The following LCLAT1 variants were observed in gnomAD, a reference collection of about 807,000 sequenced individuals.
LCLAT1 encodes 1-AGP acyltransferase 8.
In LCLAT1, 11 loss-of-function variants were observed where a neutral mutation model predicts 30.7. The ratio of observed to expected loss-of-function variants is 0.36; its 90% CI spans 0.23 to 0.59. The LOEUF is 0.59. Ranked by LOEUF, LCLAT1 falls within the 20% of genes least tolerant of loss-of-function variation. LCLAT1 has a pLI of 0.77. For synonymous variants in LCLAT1, 155 were observed against 151.3 expected (o/e 1.02, Z -0.18); for missense variants, 402 against 458.6 (o/e 0.88, Z 1.13).
chr2:30,464,086 T>C (rs1021901978), intron 1 of LCLAT1, among the ~76,000 whole-genome samples: 3 of 152,244 alleles, frequency 2.0e-5, no homozygotes, highest in Non-Finnish European at 4.4e-5. Context: ...AGCAATTGTA[T>C]GTTTGAGGCC....
intron 3 of LCLAT1, among the ~76,000 whole-genome samples, chr2:30,560,764 G>A (rs1665179054): frequency 6.6e-6 from 1 of 152,226 alleles, no homozygotes; most frequent in South Asian, 2.1e-4. Context: ...GGAACTGCCA[G>A]CTGAAATAAT....
chr2:30,586,559 G>C (rs1180944653), intron 5 of LCLAT1, among the ~76,000 whole-genome samples: 1 of 152,122 alleles, frequency 6.6e-6, no homozygotes, highest in African/African-American at 2.4e-5. Flanking sequence ...TTAGAAATAG[G>C]TTCTTTGCAG....
chr2:30,484,797 A>G (rs892323164), intron 1 of LCLAT1, among the ~76,000 whole-genome samples: 2 of 152,136 alleles, frequency 1.3e-5, no homozygotes, highest in Non-Finnish European at 2.9e-5. Context: ...ATTTTAAAAT[A>G]AGTTGAACTA....
intron 5 of LCLAT1, among the ~76,000 whole-genome samples, chr2:30,604,112 T>C (rs970335006): frequency 7.7e-6 from 1 of 129,470 alleles, no homozygotes; most frequent in Non-Finnish European, 1.7e-5. Flanking sequence ...CCCAAGTGCC[T>C]TTAGATTAGG....
chr2:30,580,321 A>G (rs556651516), intron 5 of LCLAT1, among the ~76,000 whole-genome samples: 48 of 152,326 alleles, frequency 3.2e-4, no homozygotes, highest in African/African-American at 1.1e-3. Flanking sequence ...CCACAGGCTG[A>G]AATGGATATA....
At chr2:30,585,266 G>T (rs184090193) in intron 5 of LCLAT1, among the ~76,000 whole-genome samples, 1 of 149,724 alleles carries the variant, frequency 6.7e-6, no homozygotes, top group African/African-American at 2.5e-5. Flanking sequence ...ATCCATCCTC[G>T]GTAAAAAAAA....
At chr2:30,553,771 C>T (rs961841132) in intron 3 of LCLAT1, among the ~76,000 whole-genome samples, 4 of 151,868 alleles carry the variant, frequency 2.6e-5, no homozygotes, top group Admixed American at 6.6e-5. Context: ...GCCGAGATTG[C>T]GCCACTGCAG....
chr2:30,606,813 G>A (rs1461908121), intron 5 of LCLAT1: 1 of 152,132 alleles, frequency 6.6e-6, no homozygotes, highest in African/African-American at 2.4e-5. Flanking sequence ...TCTACAGAAA[G>A]GGAGAAAATT....
intron 5 of LCLAT1, among the ~76,000 whole-genome samples, chr2:30,625,821 T>TA (rs1191395565): frequency 1.3e-5 from 2 of 152,230 alleles, no homozygotes; most frequent in Non-Finnish European, 2.9e-5. Flanking sequence ...GGAAAGGCTT[T>TA]AGAGTCATAC....
intron 1 of LCLAT1, among the ~76,000 whole-genome samples, chr2:30,454,933 T>C (rs1245189583): frequency 6.6e-6 from 1 of 152,184 alleles, no homozygotes; most frequent in East Asian, 1.9e-4. Context: ...ATGGTAGTAA[T>C]GAAACCTATA....
At chr2:30,524,126 A>G (rs997271434) in intron 1 of LCLAT1, among the ~76,000 whole-genome samples, 1 of 152,150 alleles carries the variant, frequency 6.6e-6, no homozygotes, top group African/African-American at 2.4e-5. Flanking sequence ...GGCAAAACAC[A>G]GTTTTTCTCT....
chr2:30,485,149 G>A (rs1312082052), intron 1 of LCLAT1, among the ~76,000 whole-genome samples: 1 of 152,142 alleles, frequency 6.6e-6, no homozygotes, highest in East Asian at 1.9e-4. Flanking sequence ...TGTGATAAGA[G>A]ATATATACTA....
At chr2:30,511,042 GTTTAA>G (rs1437500649) in intron 1 of LCLAT1, among the ~76,000 whole-genome samples, 1 of 151,058 alleles carries the variant, frequency 6.6e-6, no homozygotes, top group East Asian at 1.9e-4. Flanking sequence ...TTTTTTTTCT[GTTTAA>G]TTTAGTCTCT....
intron 5 of LCLAT1, among the ~76,000 whole-genome samples, chr2:30,605,680 T>G (rs1206095102): frequency 6.6e-6 from 1 of 152,192 alleles, no homozygotes; most frequent in South Asian, 2.1e-4. Context: ...ACTCTGAAGC[T>G]GCACCTTTAA....
intron 5 of LCLAT1, among the ~76,000 whole-genome samples, chr2:30,608,116 T>A (rs1318436127): frequency 6.6e-6 from 1 of 150,670 alleles, no homozygotes; most frequent in Non-Finnish European, 1.5e-5. Flanking sequence ...AGGTCGGGAG[T>A]TCAAGACTAG....
chr2:30,510,839 C>G (rs1013283449), intron 1 of LCLAT1, among the ~76,000 whole-genome samples: 1 of 151,880 alleles, frequency 6.6e-6, no homozygotes, highest in African/African-American at 2.4e-5. Context: ...ATAATTTTTG[C>G]TAATCATTTT....
intron 1 of LCLAT1, among the ~76,000 whole-genome samples, chr2:30,496,410 GT>G (rs1454954157): frequency 2.0e-5 from 3 of 152,198 alleles, no homozygotes; most frequent in African/African-American, 7.2e-5. Context: ...AGTTAGTGGA[GT>G]TTCTGGGCGT....
chr2:30,470,711 C>G (rs1312979675), intron 1 of LCLAT1, among the ~76,000 whole-genome samples: 1 of 152,104 alleles, frequency 6.6e-6, no homozygotes, highest in African/African-American at 2.4e-5. Flanking sequence ...AGTCCTCCAA[C>G]TTTGTTCTTT....
At chr2:30,629,158 T>C (rs997488403) in intron 5 of LCLAT1, among the ~76,000 whole-genome samples, 1 of 152,228 alleles carries the variant, frequency 6.6e-6, no homozygotes, top group African/African-American at 2.4e-5. Context: ...TTACTCTATA[T>C]ATGGTAGAGG....
Sources: allele counts gnomAD v4.1 joint callset (sites outside exome capture counted in the v4.1 genomes callset), GRCh38; gene constraint gnomAD v4.1.1; transcripts MANE v1.5; gene names NCBI Gene and HGNC (gene_info 2026-07-23, HGNC 2026-07-21).